The following GRID2 variants were observed in gnomAD, a reference collection of about 807,000 sequenced individuals.
GRID2 encodes the protein glutamate ionotropic receptor delta type subunit 2, also known as glutamate receptor ionotropic, delta-2.
In GRID2, 33 loss-of-function variants were observed where a neutral mutation model predicts 114.8. The observed-to-expected ratio is 0.29, with a 90% confidence interval of 0.22 to 0.38. The LOEUF (loss-of-function observed/expected upper bound fraction) is 0.38. GRID2 is among the 10% of genes least tolerant of loss of function. GRID2 has a pLI of 1.00. For synonymous variants in GRID2, 505 were observed against 449.9 expected (o/e 1.12, Z -1.55); for missense variants, 1,184 against 1,257.7 (o/e 0.94, Z 0.89).
At chr4:92,787,015 A>G (rs1739353777) in intron 2 of GRID2, among the ~76,000 whole-genome samples, 1 of 151,904 alleles carries the variant, frequency 6.6e-6, no homozygotes, top group Admixed American at 6.6e-5. Flanking sequence ...CCTTTCCTAA[A>G]AGTCAATATA....
At chr4:93,090,772 G>A (rs899829370) in intron 3 of GRID2, among the ~76,000 whole-genome samples, 2 of 152,074 alleles carry the variant, frequency 1.3e-5, no homozygotes, top group Admixed American at 6.6e-5. Flanking sequence ...TTATAGTACT[G>A]GAAGTGGGCC....
intron 13 of GRID2, among the ~76,000 whole-genome samples, chr4:93,576,408 T>C (rs1176858511): frequency 6.6e-6 from 1 of 152,122 alleles, no homozygotes; most frequent in Non-Finnish European, 1.5e-5. Context: ...GGGAAGAGAT[T>C]GAAGGGATTA....
chr4:92,553,738 G>T (rs563428115), intron 1 of GRID2, among the ~76,000 whole-genome samples: 1 of 152,072 alleles, frequency 6.6e-6, no homozygotes, highest in Non-Finnish European at 1.5e-5. Context: ...TGCAACTTCT[G>T]CATCTGGGTT....
At chr4:92,965,574 G>A (rs1753106893) in intron 2 of GRID2, among the ~76,000 whole-genome samples, 1 of 149,234 alleles carries the variant, frequency 6.7e-6, no homozygotes, top group Non-Finnish European at 1.5e-5. Flanking sequence ...AAAATTTTGA[G>A]AGTAGATGTT....
chr4:93,298,148 CCAT>C (rs1754509871), intron 8 of GRID2, among the ~76,000 whole-genome samples: 1 of 152,178 alleles, frequency 6.6e-6, no homozygotes, highest in African/African-American at 2.4e-5. Flanking sequence ...TCAGCAAACA[CCAT>C]CATCATCCAT....
chr4:92,596,418 C>G (rs945867626), intron 2 of GRID2, among the ~76,000 whole-genome samples: 1 of 152,054 alleles, frequency 6.6e-6, no homozygotes, highest in East Asian at 1.9e-4. Context: ...CAGCCATCTC[C>G]AAACACCTGC....
chr4:92,354,224 G>T (rs1032956539), intron 1 of GRID2, among the ~76,000 whole-genome samples: 1 of 151,998 alleles, frequency 6.6e-6, no homozygotes, highest in Non-Finnish European at 1.5e-5. Flanking sequence ...GGCGAGGACA[G>T]ATAAATATGC....
intron 8 of GRID2, among the ~76,000 whole-genome samples, chr4:93,354,925 C>T (rs1040689353): frequency 1.4e-5 from 2 of 147,054 alleles, no homozygotes; most frequent in African/African-American, 2.5e-5. Context: ...TGCCTGGTTG[C>T]CCCCTGAGTG....
At chr4:93,426,797 AAAATT>A (rs1768889727) in intron 10 of GRID2, among the ~76,000 whole-genome samples, 1 of 152,100 alleles carries the variant, frequency 6.6e-6, no homozygotes, top group South Asian at 2.1e-4. Flanking sequence ...TTGCAAATAA[AAAATT>A]GAGGCTTAAA....
intron 13 of GRID2, among the ~76,000 whole-genome samples, chr4:93,546,443 G>A (rs973174137): frequency 1.2e-4 from 18 of 152,176 alleles, no homozygotes; most frequent in African/African-American, 4.3e-4. Flanking sequence ...AAAGTTTCCA[G>A]ACTGGATAGA....
chr4:92,971,495 G>C (rs1269616574), intron 2 of GRID2, among the ~76,000 whole-genome samples: 1 of 151,904 alleles, frequency 6.6e-6, no homozygotes, highest in Non-Finnish European at 1.5e-5. Flanking sequence ...TCAAATCAGA[G>C]TAATTACATA....
At chr4:93,362,739 C>T (rs1761990917) in intron 8 of GRID2, among the ~76,000 whole-genome samples, 1 of 151,916 alleles carries the variant, frequency 6.6e-6, no homozygotes, top group Admixed American at 6.6e-5. Context: ...CTCCAGTCTT[C>T]GTTGTAAACA....
chr4:92,872,337 C>T (rs1336799426), intron 2 of GRID2, among the ~76,000 whole-genome samples: 7 of 151,994 alleles, frequency 4.6e-5, no homozygotes, highest in Non-Finnish European at 7.4e-5. Flanking sequence ...GAAAACTTTC[C>T]AATTTCATCT....
intron 1 of GRID2, among the ~76,000 whole-genome samples, chr4:92,568,941 T>G (rs542789953): frequency 6.6e-6 from 1 of 152,166 alleles, no homozygotes; most frequent in East Asian, 1.9e-4. Context: ...CCATGATGTA[T>G]ATGTACCACA....
intron 13 of GRID2, among the ~76,000 whole-genome samples, chr4:93,616,577 T>C (rs1220208872): frequency 9.4e-6 from 1 of 106,342 alleles, no homozygotes; most frequent in African/African-American, 3.7e-5. Context: ...TATTTATTTT[T>C]ATAAATATTT....
chr4:93,028,118 G>C (rs867208914), intron 2 of GRID2, among the ~76,000 whole-genome samples: 1 of 152,046 alleles, frequency 6.6e-6, no homozygotes, highest in African/African-American at 2.4e-5. Flanking sequence ...AATTTGCCAA[G>C]TACTGTTTTA....
intron 1 of GRID2, among the ~76,000 whole-genome samples, chr4:92,532,163 G>C (rs1027174024): frequency 6.6e-6 from 1 of 152,078 alleles, no homozygotes; most frequent in African/African-American, 2.4e-5. Flanking sequence ...AGTTCAGTTA[G>C]AGTTTAAATT....
At chr4:92,731,236 T>A (rs1336710079) in intron 2 of GRID2, among the ~76,000 whole-genome samples, 1 of 151,726 alleles carries the variant, frequency 6.6e-6, no homozygotes, top group Non-Finnish European at 1.5e-5. Context: ...AAGTGATTTT[T>A]TTTTTTCTTT....
At chr4:92,991,770 C>T (rs570589918) in intron 2 of GRID2, among the ~76,000 whole-genome samples, 3 of 152,220 alleles carry the variant, frequency 2.0e-5, no homozygotes, top group African/African-American at 7.2e-5. Context: ...CTGACAGCTG[C>T]ACCTGCGAGT....
Sources: allele counts gnomAD v4.1 joint callset (sites outside exome capture counted in the v4.1 genomes callset), GRCh38; gene constraint gnomAD v4.1.1; transcripts MANE v1.5; gene names NCBI Gene and HGNC (gene_info 2026-07-23, HGNC 2026-07-21).